FBLN1: variants seen among roughly 807,000 people sequenced by gnomAD.
FBLN1 encodes fibulin 1.
A neutral mutation model predicts 89.7 loss-of-function variants in FBLN1; 34 were observed. The ratio of observed to expected loss-of-function variants is 0.38; its 90% CI spans 0.29 to 0.50. The LOEUF (loss-of-function observed/expected upper bound fraction) is 0.50. FBLN1 is among the 20% of genes least tolerant of loss of function. The pLI is 0.92. For missense variants in FBLN1, 777 were observed against 988.1 expected (o/e 0.79, Z 2.86); for synonymous variants, 393 against 391.3 (o/e 1.00, Z -0.05).
Position 45,535,317 on chromosome 22 carries a change from A to G in FBLN1, c.902A>G (p.Asp301Gly). The G allele has an allele frequency of 6.2e-7, 1 of 1,614,194 alleles. No homozygotes were observed. Among genetic ancestry groups the G allele is most frequent in the South Asian group, 1.1e-5 (1 of 91,080 alleles). Residue 301 changes from aspartate (D) to glycine (G), a missense_variant, in exon 8 of 17, where the codon GAT becomes GGT. Transcript: ENST00000327858. ...KLQCKSGFIQ[D>G]ALGNCIDINE... ...CAGTGCAAGAGTGGCTTTATACAAG[A>G]TGCTCTAGGCAACTGTATTGGTAAG... is the stretch of plus-strand genomic sequence containing the variant.
chr22:45,560,201 C>T (rs2088835150), intron 14 of FBLN1, among the ~76,000 whole-genome samples: 1 of 152,226 alleles, frequency 6.6e-6, no homozygotes, highest in Non-Finnish European at 1.5e-5. Context: ...AGTGCTGTCA[C>T]TTGGCCACTG....
In FBLN1 at chr22:45,572,465, C is replaced by G. The variant is rs1038907756; in HGVS notation, c.1698-2046C>G. Reference sequence around the variant, plus strand: ...CCAAAAATCCTTTGGAGAATGATAGCACACTAGTTAGCTTATTATCCTGAA... The same window carrying G: ...CCAAAAATCCTTTGGAGAATGATAGGACACTAGTTAGCTTATTATCCTGAA... On this transcript the variant is annotated intron_variant, in intron 14 of 16. Coordinates refer to ENST00000327858, the MANE Select transcript of FBLN1 (RefSeq NM_006486.3). The surrounding 1 kb of genome is among the most constrained non-coding windows in gnomAD (Gnocchi z 5.8). 7.2e-5 allele frequency among the ~76,000 whole-genome samples: 11 copies of G among 152,256 alleles called. No homozygotes were observed. Among genetic ancestry groups the G allele is most frequent in the Admixed American group, 6.5e-4 (10 of 15,296 alleles).
At position 45,530,523 on chromosome 22, in the gene FBLN1, G is replaced by C. The variant is rs896548951; in HGVS notation, c.485-742G>C. ...GGTCCCCAGACCAGTGCTGGCCTGC[G>C]ACAAATAAGTACAGAAATGGAGAAT... On this transcript the variant is annotated intron_variant, in intron 4 of 16. Transcript: ENST00000327858. The surrounding 1 kb of genome is among the most constrained non-coding windows in gnomAD (Gnocchi z 5.4). 6.6e-6 allele frequency among the ~76,000 whole-genome samples: 1 copy of C among 152,068 alleles called. No homozygotes were observed. The highest frequency in any genetic ancestry group is 1.5e-5 in the Non-Finnish European group (1 of 68,030).
chr22:45,570,407 C>T (rs2088943492), intron 14 of FBLN1, among the ~76,000 whole-genome samples: 2 of 137,650 alleles, frequency 1.5e-5, no homozygotes, highest in South Asian at 4.8e-4. Context: ...ATAGAAAAAT[C>T]GAGTCAGAAT....
In FBLN1 at chr22:45,583,977, G is replaced by A. The variant is rs772316687; in HGVS notation, c.1972+6869G>A. On this transcript the variant is annotated intron_variant, in intron 16 of 16. Transcript: ENST00000327858. This position sits in a 1 kb window ranked among gnomAD's most constrained non-coding sequence, Gnocchi z 4.5. ...CACTTCTGCATAGGCCTGCACTATC[G>A]ATGTAGGTGTGAGGGTCTTTGGGTT... is the stretch of plus-strand genomic sequence containing the variant. Among the ~76,000 whole-genome samples the A allele has an allele frequency of 1.5e-4, 23 of 152,102 alleles. No homozygotes were observed. The highest frequency in any genetic ancestry group is 3.1e-4 in the Non-Finnish European group (21 of 68,028).
At chr22:45,544,513 G>A (rs943585371) in intron 11 of FBLN1, among the ~76,000 whole-genome samples, 2 of 152,202 alleles carry the variant, frequency 1.3e-5, no homozygotes, top group East Asian at 3.9e-4. Context: ...CTCCTTGGTT[G>A]CACATCTCAA....
Position 45,597,696 on chromosome 22 carries a change from G to A in FBLN1, c.1973-2611G>A, listed in dbSNP as rs1020123608. 3.9e-5 allele frequency among the ~76,000 whole-genome samples: 6 copies of A among 152,252 alleles called. No individual in the cohort carries two copies. The South Asian group carries it at 1.0e-3, about 26-fold the overall frequency. On this transcript the variant is annotated intron_variant, in intron 16 of 16. Transcript: ENST00000327858. The surrounding 1 kb of genome is among the most constrained non-coding windows in gnomAD (Gnocchi z 4.2). Reference sequence around the variant, plus strand: ...ACGTCTTTTGCCGGGAGCTGAAGACGTTCATGGGCTTTCAAGCAGGACAAA... The same window carrying A: ...ACGTCTTTTGCCGGGAGCTGAAGACATTCATGGGCTTTCAAGCAGGACAAA...
intron 1 of FBLN1, among the ~76,000 whole-genome samples, chr22:45,510,562 G>C (rs1366737645): frequency 3.9e-5 from 6 of 152,184 alleles, no homozygotes; most frequent in Admixed American, 2.0e-4. Context: ...TAAGATCCTC[G>C]TGGCTCACAG....
rs142001473 is a variant in FBLN1, at chr22:45,574,646, C to T, written c.1833C>T (p.Arg611=). Residue 611 remains arginine, a synonymous_variant, in exon 15 of 17, where the codon CGC becomes CGT. Transcript: ENST00000327858. This position sits in a 1 kb window ranked among gnomAD's most constrained non-coding sequence, Gnocchi z 4.1. ...ISLPTFREFT[R]PEEIIFLRAI... is the part of the protein sequence containing the mutation. ...TGCCTACCTTCCGCGAGTTCACCCG[C>T]CCTGAAGGTGAGTGGGATGGGTGTG... 6.8e-6 allele frequency: 11 copies of T among 1,613,614 alleles called. No individual in the cohort carries two copies. The African/African-American group carries it at 1.5e-4, about 22-fold the overall frequency.
chr22:45,520,332 C>T (rs572690996), intron 2 of FBLN1, among the ~76,000 whole-genome samples: 7 of 152,280 alleles, frequency 4.6e-5, no homozygotes, highest in Admixed American at 1.3e-4. Flanking sequence ...AGTCTGAGAC[C>T]GAGGTGTCAG....
intron 14 of FBLN1, among the ~76,000 whole-genome samples, chr22:45,568,814 A>G (rs1422652323): frequency 1.2e-5 from 1 of 82,156 alleles, no homozygotes; most frequent in African/African-American, 4.7e-5. Context: ...CTGTAGGGGA[A>G]TGCTCCTCCT....
rs938818759 is a variant in FBLN1, at chr22:45,563,465, G to C, written c.1698-11046G>C. 1.8e-5 allele frequency: 21 copies of C among 1,152,112 alleles called. No homozygotes were observed. Among genetic ancestry groups the C allele is most frequent in the Middle Eastern group, 5.9e-4 (2 of 3,394 alleles). 71.4% of individuals were successfully genotyped at this position (1,152,112 alleles called of 1,614,324 possible). A position where few individuals can be genotyped will look rare whatever the true frequency, so the allele number is the denominator to read the frequency against. On this transcript the variant is annotated intron_variant, in intron 14 of 16. Transcript: ENST00000327858. This position sits in a 1 kb window ranked among gnomAD's most constrained non-coding sequence, Gnocchi z 5.7. ...CCACCGCCTGGTACCCCCGAGGGCT[G>C]ACTGAGGAGCGCTCCCCACTAGAGG...
rs372409660 is a variant in FBLN1 at position 45,556,189 on chromosome 22, T to C, written c.1697+5574T>C. ...TTTTCTATTTTAAGTAGAGATGGGG[T>C]TTCACCATGTGGGTCAGGCTGGTCT... is the stretch of plus-strand genomic sequence containing the variant. On this transcript the variant is annotated intron_variant, in intron 14 of 16. Transcript: ENST00000327858. The surrounding 1 kb of genome is among the most constrained non-coding windows in gnomAD (Gnocchi z 4.6). Among the ~76,000 whole-genome samples, 111 of 152,254 alleles carry C rather than the reference T, an allele frequency of 7.3e-4. No individual in the cohort carries two copies. Among genetic ancestry groups the C allele is most frequent in the Admixed American group, 1.9e-3 (29 of 15,292 alleles).
rs1004552874 is a variant in FBLN1, at chr22:45,589,857, C to T, written c.1973-10450C>T. ...CCCCGCAGAGCACCCTCCCATCGCC[C>T]TTTTCTTGTTGGGCACCTCGTTCTT... On this transcript the variant is annotated intron_variant, in intron 16 of 16. Coordinates refer to ENST00000327858, the MANE Select transcript of FBLN1 (RefSeq NM_006486.3). 1.8e-4 allele frequency among the ~76,000 whole-genome samples: 27 copies of T among 152,212 alleles called. 1 individual carries two copies. The highest frequency in any genetic ancestry group is 3.8e-4 in the Non-Finnish European group (26 of 67,982).
At chr22:45,514,913 C>T (rs895571955) in intron 1 of FBLN1, among the ~76,000 whole-genome samples, 3 of 152,106 alleles carry the variant, frequency 2.0e-5, no homozygotes, top group African/African-American at 4.8e-5. Context: ...GGCAGGAGGG[C>T]GTGGGGGCCT....
chr22:45,562,277 G>T lies in FBLN1; in HGVS notation c.1697+11662G>T, dbSNP rs1391274418. Among the ~76,000 whole-genome samples the T allele has an allele frequency of 2.6e-5, 4 of 152,192 alleles. No homozygotes were observed. The highest frequency in any genetic ancestry group is 4.4e-5 in the Non-Finnish European group (3 of 68,036). ...TTGGAACACGAGGGCTTAGTGACAAGGAACTGGGAACTGACCTCAATGGCT... is the reference window on the plus strand; with the variant it reads ...TTGGAACACGAGGGCTTAGTGACAATGAACTGGGAACTGACCTCAATGGCT... On this transcript the variant is annotated intron_variant, in intron 14 of 16. Coordinates refer to ENST00000327858, the MANE Select transcript of FBLN1 (RefSeq NM_006486.3). The surrounding 1 kb of genome is among the most constrained non-coding windows in gnomAD (Gnocchi z 7.8).
At chr22:45,517,177 G>A (rs764067545) in intron 1 of FBLN1, among the ~76,000 whole-genome samples, 1 of 152,364 alleles carries the variant, frequency 6.6e-6, no homozygotes, top group East Asian at 1.9e-4. Flanking sequence ...TTGTGTGTGC[G>A]GAAACGCTGC....
Position 45,581,903 on chromosome 22 carries a change from G to A in FBLN1, c.1972+4795G>A, listed in dbSNP as rs982384787. Among the ~76,000 whole-genome samples, 3 of 152,182 alleles carry A rather than the reference G, an allele frequency of 2.0e-5. No homozygotes were observed. The highest frequency in any genetic ancestry group is 7.2e-5 in the African/African-American group (3 of 41,450). ...GCATCCAGGGTGCAGGGAGGGTCGA[G>A]GGGAGGCCGAAAGGGGCTGCAGGGC... On this transcript the variant is annotated intron_variant, in intron 16 of 16. Coordinates refer to ENST00000327858, the MANE Select transcript of FBLN1 (RefSeq NM_006486.3). This position sits in a 1 kb window ranked among gnomAD's most constrained non-coding sequence, Gnocchi z 7.6.
chr22:45,502,901 G>A lies in FBLN1; in HGVS notation c.-85G>A. On this transcript the variant is annotated 5_prime_UTR_variant, in exon 1 of 17. Transcript: ENST00000327858. ...GCCCAGCGTTGGCTGCCGAGGCTCG[G>A]CCGGAGCGTGGAGCCCGCGCCGCTG... 1 of 490,696 alleles carries A rather than the reference G, an allele frequency of 2.0e-6. No individual in the cohort carries two copies. The highest frequency in any genetic ancestry group is 2.1e-5 in the African/African-American group (1 of 47,896). The allele number at this position is 490,696 out of a possible 1,614,324, so 30.4% of individuals were successfully genotyped here. A position where few individuals can be genotyped will look rare whatever the true frequency, so the allele number is the denominator to read the frequency against.
Sources: gnomAD v4.1 joint callset for allele counts (sites outside exome capture counted in the v4.1 genomes callset) on GRCh38, gnomAD v4.1.1 for gene constraint, Gnocchi (gnomAD v3.1) non-coding constraint, MANE v1.5 for transcripts, NCBI Gene and HGNC (gene_info 2026-07-23, HGNC 2026-07-21) for gene names.